ZNF354B: variants seen among roughly 807,000 people sequenced by gnomAD.
The protein encoded by ZNF354B is zinc finger protein 354B.
A neutral mutation model predicts 12.9 loss-of-function variants in ZNF354B; 10 were observed. The observed-to-expected ratio is 0.77, with a 90% confidence interval of 0.48 to 1.31. ZNF354B has a LOEUF of 1.31. Among genes scored for constraint, ZNF354B ranks in the 40% most tolerant of loss-of-function variants. The pLI, the probability that ZNF354B is intolerant of heterozygous loss-of-function variation, is 0.00. For missense variants in ZNF354B, 614 were observed against 711.7 expected (o/e 0.86, Z 1.56); for synonymous variants, 260 against 243.7 (o/e 1.07, Z -0.62).
rs1349914000 is a variant in ZNF354B, at chr5:178,882,977, G to A, written c.525G>A (p.Lys175=). Residue 175 remains lysine (K), a synonymous_variant, in exon 5 of 5, where the codon AAG becomes AAA. Transcript: ENST00000322434. ...TCTACCTGAAATCAGTCTTCATTAAGCAACAGAGATTTGCTAAAGAAAAAA... is the reference window on the plus strand; with the variant it reads ...TCTACCTGAAATCAGTCTTCATTAAACAACAGAGATTTGCTAAAGAAAAAA... The part of the protein sequence containing the change: ...QNFYLKSVFI[K]QQRFAKEKTP... The A allele has an allele frequency of 1.2e-5, 20 of 1,608,778 alleles. No individual in the cohort carries two copies. The highest frequency in any genetic ancestry group is 1.6e-5 in the Non-Finnish European group (19 of 1,178,844).
At chr5:178,870,109 C>T (rs921308466) in intron 4 of ZNF354B, among the ~76,000 whole-genome samples, 9 of 151,896 alleles carry the variant, frequency 5.9e-5, no homozygotes, top group Non-Finnish European at 1.0e-4. Context: ...CCCAGGGGTT[C>T]GAGACCAACC....
At chr5:178,874,420 C>G (rs1460007973) in intron 4 of ZNF354B, among the ~76,000 whole-genome samples, 1 of 152,182 alleles carries the variant, frequency 6.6e-6, no homozygotes, top group Non-Finnish European at 1.5e-5. Flanking sequence ...CCTTATTTCT[C>G]AGGTTTTGTT....
rs2114032001 is a variant in ZNF354B, at chr5:178,883,507, A to T, written c.1055A>T (p.Lys352Met). 6.2e-7 allele frequency: 1 copy of T among 1,614,170 alleles called. No homozygotes were observed. Among genetic ancestry groups the T allele is most frequent in the South Asian group, 1.1e-5 (1 of 91,084 alleles). Residue 352 changes from lysine (K) to methionine (M), a missense_variant, in exon 5 of 5, where the codon AAG (lysine) becomes ATG (methionine). Lys to Met is a moderately conservative substitution (Grantham distance 95). Transcript: ENST00000322434. ...SGSQKIHLRKKSYLCNECGNT... is the reference protein window; with the variant it reads ...SGSQKIHLRKMSYLCNECGNT... Reference sequence around the variant, plus strand: ...AGTCAGAAAATTCATCTCAGAAAGAAGTCCTACTTATGTAATGAATGTGGC... The same window carrying T: ...AGTCAGAAAATTCATCTCAGAAAGATGTCCTACTTATGTAATGAATGTGGC...
At chr5:178,868,828 C>T (rs987686832) in intron 4 of ZNF354B, among the ~76,000 whole-genome samples, 3 of 151,940 alleles carry the variant, frequency 2.0e-5, no homozygotes, top group Non-Finnish European at 2.9e-5. Context: ...AAAAATTAGC[C>T]GGGCATGGTG....
intron 4 of ZNF354B, among the ~76,000 whole-genome samples, chr5:178,871,242 C>T (rs565971051): frequency 0.15 from 22,533 of 152,096 alleles, 2,036 homozygotes; most frequent in African/African-American, 0.25. Context: ...CTCTGCCCTT[C>T]ATTCAAGGCC....
intron 4 of ZNF354B, among the ~76,000 whole-genome samples, chr5:178,877,660 T>C (rs140094263): frequency 4.3e-4 from 65 of 152,300 alleles, no homozygotes; most frequent in African/African-American, 1.5e-3. Context: ...CAGATCCCCA[T>C]TATTTGGAGA....
At position 178,884,420 on chromosome 5, in the gene ZNF354B, C is replaced by G. The variant is rs1381155961; in HGVS notation, c.*129C>G. The G allele has an allele frequency of 9.8e-7, 1 of 1,017,330 alleles. No homozygotes were observed. Among genetic ancestry groups the G allele is most frequent in the Non-Finnish European group, 1.4e-6 (1 of 721,966 alleles). 63.0% of individuals were successfully genotyped at this position (1,017,330 alleles called of 1,614,324 possible). A position where few individuals can be genotyped will look rare whatever the true frequency, so the allele number is the denominator to read the frequency against. ...AGAATAAACTTTAGCTATGTAATAA[C>G]TTATGGGAAAAGCTTTTATACTTGT... On this transcript the variant is annotated 3_prime_UTR_variant, in exon 5 of 5. Transcript: ENST00000322434.
intron 1 of ZNF354B, among the ~76,000 whole-genome samples, 193 bp downstream of exon 1, chr5:178,860,320 C>G (rs1170999262): frequency 7.1e-6 from 1 of 140,678 alleles, no homozygotes; most frequent in Non-Finnish European, 1.6e-5. Flanking sequence ...CTGCCTCTGG[C>G]TCGCGCCGCC....
rs753885146 is a variant in ZNF354B, at chr5:178,866,329, G to A, written c.119G>A (p.Arg40Gln). ...KLAPSQRNLYRDVMLENYRNL... is the reference protein window; with the variant it reads ...KLAPSQRNLYQDVMLENYRNL... ...GCTCCTTCTCAGAGAAACTTGTACCGGGATGTGATGCTGGAGAACTATAGG... is the reference window on the plus strand; with the variant it reads ...GCTCCTTCTCAGAGAAACTTGTACCAGGATGTGATGCTGGAGAACTATAGG... The change falls in exon 3 of 5, where the codon CGG (arginine) becomes CAG (glutamine). Residue 40 changes from arginine (R) to glutamine (Q), a missense_variant. Transcript: ENST00000322434. 33 of 1,613,866 alleles carry A rather than the reference G, an allele frequency of 2.0e-5. No individual in the cohort carries two copies. The East Asian group carries it at 4.2e-4, about 21-fold the overall frequency.
In ZNF354B at chr5:178,867,045, AAG is replaced by A. The variant is rs1364222541; in HGVS notation, c.232_233del (p.Asp78GlnfsTer10). On this transcript the variant is annotated frameshift_variant, in exon 4 of 5. Coordinates refer to ENST00000322434, the MANE Select transcript of ZNF354B (RefSeq NM_058230.3). LOFTEE classifies it low-confidence loss of function (END_TRUNC). ...GGAGAAGATCCCTGGGAGGTGGAGA[AAG>A]ACAGTTCTGGTGTCTCCTCTCTAGG... The A allele has an allele frequency of 6.2e-7, 1 of 1,613,654 alleles. No homozygotes were observed. Among genetic ancestry groups the A allele is most frequent in the Admixed American group, 1.7e-5 (1 of 60,020 alleles).
In ZNF354B at chr5:178,884,545, A is replaced by C. The variant is rs1757773041; in HGVS notation, c.*254A>C. 1 of 337,278 alleles carries C rather than the reference A, an allele frequency of 3.0e-6. No homozygotes were observed. Among genetic ancestry groups the C allele is most frequent in the Non-Finnish European group, 5.3e-6 (1 of 188,844 alleles). 20.9% of individuals were successfully genotyped at this position (337,278 alleles called of 1,614,324 possible). A position where few individuals can be genotyped will look rare whatever the true frequency, so the allele number is the denominator to read the frequency against. On this transcript the variant is annotated 3_prime_UTR_variant, in exon 5 of 5. Coordinates refer to ENST00000322434, the MANE Select transcript of ZNF354B (RefSeq NM_058230.3). ...TATGTTTATAAAATCTCTTTATATA[A>C]TATATGCTATCTATGACATGCAAAA...
chr5:178,867,596 A>C (rs1473904530), intron 4 of ZNF354B, among the ~76,000 whole-genome samples: 1 of 152,204 alleles, frequency 6.6e-6, no homozygotes, highest in East Asian at 1.9e-4. Flanking sequence ...AGAACAGCTA[A>C]GGGACCTGTG....
intron 4 of ZNF354B, among the ~76,000 whole-genome samples, chr5:178,869,881 G>A (rs960625243): frequency 3.3e-5 from 5 of 152,194 alleles, no homozygotes; most frequent in South Asian, 4.1e-4. Context: ...CCCTGGTGGG[G>A]CTCCTGTCTG....
intron 2 of ZNF354B, among the ~76,000 whole-genome samples, chr5:178,864,121 T>C (rs921800014): frequency 6.6e-6 from 1 of 152,240 alleles, no homozygotes; most frequent in African/African-American, 2.4e-5. Flanking sequence ...TCTACAGTCA[T>C]GCACAATAGT....
Position 178,884,065 on chromosome 5 carries a change from T to G in ZNF354B, c.1613T>G (p.Ile538Arg). ...GMSFGQSAAL[I>R]QHQRIHTGEK... ...TCTTTTGGCCAAAGTGCAGCTCTTA[T>G]ACAACATCAGAGGATTCATACAGGA... The change falls in exon 5 of 5, where the codon ATA (isoleucine) becomes AGA (arginine). Residue 538 changes from isoleucine to arginine, a missense_variant. Transcript: ENST00000322434. 1 of 1,614,136 alleles carries G rather than the reference T, an allele frequency of 6.2e-7. No individual in the cohort carries two copies. The highest frequency in any genetic ancestry group is 8.5e-7 in the Non-Finnish European group (1 of 1,179,992).
chr5:178,875,110 G>A (rs1396894523), intron 4 of ZNF354B, among the ~76,000 whole-genome samples: 1 of 152,146 alleles, frequency 6.6e-6, no homozygotes, highest in Non-Finnish European at 1.5e-5. Flanking sequence ...CCTCAAGATT[G>A]CAGCCGTGCC....
At chr5:178,873,914 G>A (rs1406222664) in intron 4 of ZNF354B, among the ~76,000 whole-genome samples, 1 of 145,698 alleles carries the variant, frequency 6.9e-6, no homozygotes, top group Non-Finnish European at 1.5e-5. Flanking sequence ...TTCCATCAGT[G>A]TTTGTAGTTT....
chr5:178,882,914 A>T lies in ZNF354B; in HGVS notation c.462A>T (p.Val154=). ...TTGCCCATACAAAAATCCTTACTGT[A>T]GATAGAAGCCATAAAAATGTTGAAT... ...ISVAHTKILT[V]DRSHKNVEFG... is the part of the protein sequence containing the mutation. Residue 154 remains valine, a synonymous_variant, in exon 5 of 5, where the codon GTA becomes GTT. Coordinates refer to ENST00000322434, the MANE Select transcript of ZNF354B (RefSeq NM_058230.3). 1 of 1,601,576 alleles carries T rather than the reference A, an allele frequency of 6.2e-7. No homozygotes were observed. Among genetic ancestry groups the T allele is most frequent in the South Asian group, 1.1e-5 (1 of 87,246 alleles).
intron 2 of ZNF354B, among the ~76,000 whole-genome samples, chr5:178,865,640 C>T (rs948645332): frequency 6.6e-6 from 1 of 152,112 alleles, no homozygotes; most frequent in Admixed American, 6.6e-5. Flanking sequence ...TAACTATTTT[C>T]TTCATAAGGT....
Sources: gnomAD v4.1 joint callset for allele counts (sites outside exome capture counted in the v4.1 genomes callset) on GRCh38, gnomAD v4.1.1 for gene constraint, MANE v1.5 for transcripts, NCBI Gene and HGNC (gene_info 2026-07-23, HGNC 2026-07-21) for gene names.